Variants in DAB2IP observed in about 807,000 individuals in gnomAD.
DAB2IP encodes the protein disabled homolog 2-interacting protein.
DAB2IP carries 28 observed loss-of-function variants against 107.2 expected under a neutral mutation model. The ratio of observed to expected loss-of-function variants is 0.26; its 90% CI spans 0.19 to 0.36. The LOEUF (loss-of-function observed/expected upper bound fraction) is 0.36, where lower values mean the gene tolerates loss of function less well. Ranked by LOEUF, DAB2IP falls within the 10% of genes least tolerant of loss-of-function variation. DAB2IP has a pLI of 1.00. For missense variants in DAB2IP, 1,400 were observed against 1,644.7 expected (o/e 0.85, Z 2.57); for synonymous variants, 755 against 706.4 (o/e 1.07, Z -1.09).
At chr9:121,775,595 C>A (rs1462008626) in intron 13 of DAB2IP, among the ~76,000 whole-genome samples, 3 of 152,260 alleles carry the variant, frequency 2.0e-5, no homozygotes, top group Non-Finnish European at 2.9e-5. Flanking sequence ...GCCTCGTCCA[C>A]ATCCCTGCTC....
chr9:121,760,248 A>G lies in DAB2IP; in HGVS notation c.979A>G (p.Met327Val), dbSNP rs746220119. ...CAAGGGCGGCAAGGGCCCTGGACCC[A>G]TGATCCGCATCAAGGCGCGCTACCA... The change falls in exon 6 of 16, where the codon ATG (methionine) becomes GTG (valine). Residue 327 changes from methionine (M) to valine (V), a missense_variant. Met to Val is a conservative substitution (Grantham distance 21, BLOSUM62 1). Around this residue, in one of 3 missense-constraint regions of DAB2IP, gnomAD observed 517 missense variants for 748.6 expected, o/e 0.69. Coordinates refer to ENST00000408936, the Ensembl canonical transcript of DAB2IP. This position sits in a 1 kb window ranked among gnomAD's most constrained non-coding sequence, Gnocchi z 5.9. 68 of 1,613,736 alleles carry G rather than the reference A, an allele frequency of 4.2e-5. 1 individual carries two copies. In the East Asian group the frequency reaches 1.5e-3, roughly 35 times the overall value.
rs762533050 is a variant in DAB2IP, at chr9:121,758,956, A to G, written c.575A>G (p.Lys192Arg). 1.4e-5 allele frequency: 23 copies of G among 1,613,570 alleles called. No homozygotes were observed. Among genetic ancestry groups the G allele is most frequent in the Non-Finnish European group, 1.9e-5 (22 of 1,179,942 alleles). ...TGCCGGTCTGCAGCTGAGCGGGATA[A>G]GTGGATGGAGAACCTCCGGCGAGCG... Residue 192 changes from lysine (K) to arginine (R), a missense_variant, in exon 5 of 16, where the codon AAG (lysine) becomes AGG (arginine). Lys to Arg is a conservative substitution (Grantham distance 26). Coordinates refer to ENST00000408936, the Ensembl canonical transcript of DAB2IP.
At chr9:121,678,067 A>G (rs72770686) in intron 1 of DAB2IP, among the ~76,000 whole-genome samples, 5,121 of 152,322 alleles carry the variant, frequency 0.034, 141 homozygotes, top group South Asian at 0.084. Flanking sequence ...TCCATTTGTA[A>G]TGTTCTGCAA....
chr9:121,725,515 G>T (rs559157471), intron 3 of DAB2IP, among the ~76,000 whole-genome samples: 1 of 152,194 alleles, frequency 6.6e-6, no homozygotes, highest in Non-Finnish European at 1.5e-5. Flanking sequence ...CTCTGTGTAC[G>T]CTCTGCTGTG....
At chr9:121,652,177 C>G (rs999730586) in intron 1 of DAB2IP, among the ~76,000 whole-genome samples, 1 of 152,176 alleles carries the variant, frequency 6.6e-6, no homozygotes, top group African/African-American at 2.4e-5. Flanking sequence ...ACCTCCTACC[C>G]CACTGTGCCT....
chr9:121,762,328 G>T (rs1291051656), intron 6 of DAB2IP, among the ~76,000 whole-genome samples: 2 of 152,336 alleles, frequency 1.3e-5, no homozygotes, highest in East Asian at 3.9e-4. Flanking sequence ...CATTGCGGGA[G>T]TTCAGGAAGG....
intron 2 of DAB2IP, among the ~76,000 whole-genome samples, chr9:121,693,976 G>A (rs925523441): frequency 6.6e-6 from 1 of 152,164 alleles, no homozygotes; most frequent in Non-Finnish European, 1.5e-5. Flanking sequence ...CTGCCTCCTC[G>A]GCTGGGAGTG....
intron 3 of DAB2IP, among the ~76,000 whole-genome samples, chr9:121,709,624 A>G (rs570083594): frequency 2.0e-5 from 3 of 152,206 alleles, no homozygotes; most frequent in Admixed American, 1.3e-4. Flanking sequence ...CCCCCTGTCA[A>G]GCACCGTTCT....
intron 3 of DAB2IP, among the ~76,000 whole-genome samples, chr9:121,704,881 G>T (rs991569807): frequency 6.6e-6 from 1 of 152,140 alleles, no homozygotes. Flanking sequence ...ATGGAGCTGG[G>T]GCCTATGCAG....
At chr9:121,577,740 G>A (rs1042165619) in intron 1 of DAB2IP, among the ~76,000 whole-genome samples, 25 of 152,202 alleles carry the variant, frequency 1.6e-4, no homozygotes, top group Non-Finnish European at 2.6e-4. Context: ...TGGGGTGTTA[G>A]GCATGGAAAA....
chr9:121,579,667 C>A (rs377579659), intron 1 of DAB2IP, among the ~76,000 whole-genome samples: 7 of 152,270 alleles, frequency 4.6e-5, no homozygotes, highest in African/African-American at 1.4e-4. Context: ...GCAGCCCTGT[C>A]ACACCTTATG....
chr9:121,610,368 C>A (rs886721456), intron 1 of DAB2IP, among the ~76,000 whole-genome samples: 1 of 152,166 alleles, frequency 6.6e-6, no homozygotes, highest in Non-Finnish European at 1.5e-5. Context: ...ACCAGCCACT[C>A]GGCTCATCAG....
chr9:121,597,643 A>G lies in DAB2IP; in HGVS notation c.40+30415A>G, dbSNP rs192825464. 1.8e-3 allele frequency among the ~76,000 whole-genome samples: 278 copies of G among 152,310 alleles called. 4 individuals are homozygous for G. The highest frequency in any genetic ancestry group is 1.6e-3 in the Non-Finnish European group (109 of 68,036). On this transcript the variant is annotated intron_variant, in intron 1 of 16. Coordinates refer to the DAB2IP transcript ENST00000259371. The stretch of plus-strand genomic sequence containing the variant: ...GAACATCTACATAATGCTTTTGTTT[A>G]CAAAAGGATTTCTTGCATACTATCT...
rs1045664919 is a variant in DAB2IP, at chr9:121,709,351, G to A, written c.362+9893G>A. Among the ~76,000 whole-genome samples, 3 of 152,138 alleles carry A rather than the reference G, an allele frequency of 2.0e-5. No homozygotes were observed. In the East Asian group the frequency reaches 5.8e-4, roughly 29 times the overall value. ...CTGTTCATGGCAAGCTGCTTCTGAT[G>A]CTGTGATAGCCCCACCCACTGCCCC... is the stretch of plus-strand genomic sequence containing the variant. On this transcript the variant is annotated intron_variant, in intron 3 of 15. Transcript: ENST00000408936.
Position 121,783,765 on chromosome 9 carries a change from C to T in DAB2IP, c.*1267C>T, listed in dbSNP as rs1438767998. Reference sequence around the variant, plus strand: ...CTGCATACAGGGGAGGGGCGCACCCCACAGCTGGGGCCGGTTTTCCTCAGC... The same window carrying T: ...CTGCATACAGGGGAGGGGCGCACCCTACAGCTGGGGCCGGTTTTCCTCAGC... On this transcript the variant is annotated 3_prime_UTR_variant, in exon 16 of 16. Transcript: ENST00000408936. 1.1e-5 allele frequency: 7 copies of T among 633,822 alleles called. No homozygotes were observed. In the East Asian group the frequency reaches 1.6e-4, roughly 15 times the overall value. The allele number at this position is 633,822 out of a possible 1,614,324, so 39.3% of individuals were successfully genotyped here. A position where few individuals can be genotyped will look rare whatever the true frequency, so the allele number is the denominator to read the frequency against.
intron 1 of DAB2IP, among the ~76,000 whole-genome samples, chr9:121,616,525 T>C (rs1008230991): frequency 1.4e-4 from 21 of 152,116 alleles, no homozygotes; most frequent in African/African-American, 4.8e-4. Flanking sequence ...CTGGTGGTAG[T>C]TGGTGACAGG....
chr9:121,640,887 T>TG (rs1284625506), intron 1 of DAB2IP, among the ~76,000 whole-genome samples: 7 of 152,098 alleles, frequency 4.6e-5, no homozygotes, highest in South Asian at 2.1e-4. Flanking sequence ...CTCAGGGCAA[T>TG]GGGGGGCTGG....
chr9:121,606,946 C>T (rs948724462), intron 1 of DAB2IP, among the ~76,000 whole-genome samples: 2 of 151,442 alleles, frequency 1.3e-5, no homozygotes, highest in East Asian at 1.9e-4. Flanking sequence ...GGCTAATTTT[C>T]ATATTTTTAG....
intron 3 of DAB2IP, chr9:121,742,975 G>A (rs761530900): frequency 5.1e-6 from 5 of 985,402 alleles, no homozygotes; most frequent in Non-Finnish European, 6.0e-6. Context: ...AGAGACACTG[G>A]AGGATGTGGA....
Sources: allele counts gnomAD v4.1 joint callset (sites outside exome capture counted in the v4.1 genomes callset), GRCh38; gene constraint gnomAD v4.1.1; regional missense constraint gnomAD v4.1.1; non-coding constraint Gnocchi (gnomAD v3.1); transcripts MANE v1.5; gene names NCBI Gene and HGNC (gene_info 2026-07-23, HGNC 2026-07-21).